Variants in HEATR3 observed in about 807,000 individuals in gnomAD.
The protein encoded by HEATR3 is HEAT repeat containing 3, also known as HEAT repeat-containing protein 3.
Under a neutral mutation model 72.8 loss-of-function variants are expected in HEATR3, and 56 were observed. The ratio of observed to expected loss-of-function variants is 0.77; its 90% confidence interval spans 0.62 to 0.96. HEATR3 has a LOEUF of 0.96. HEATR3 is among the 40% of genes least tolerant of loss of function. The pLI is 0.00. For missense variants in HEATR3, 747 were observed against 831.4 expected, an observed-to-expected ratio of 0.90 and a Z score of 1.25; for synonymous variants, 331 against 318.1, an observed-to-expected ratio of 1.04 and a Z score of -0.43.
chr16:50,079,639 T>G (rs566840565), intron 7 of HEATR3, among the ~76,000 whole-genome samples: 3 of 152,202 alleles, frequency 2.0e-5, no homozygotes, highest in East Asian at 3.9e-4. Context: ...TCTCCCAAAG[T>G]GTTTTGGGAG....
intron 10 of HEATR3, among the ~76,000 whole-genome samples, chr16:50,085,934 A>G (rs1473348193): frequency 6.6e-6 from 1 of 151,976 alleles, no homozygotes; most frequent in Non-Finnish European, 1.5e-5. Context: ...AGGCTGAGGC[A>G]GGAGGATCAC....
chr16:50,075,474 G>C (rs2036704287), intron 5 of HEATR3, 97 bp from the exon 6 acceptor site: 1 of 1,136,694 alleles, frequency 8.8e-7, no homozygotes, highest in Non-Finnish European at 1.3e-6. Flanking sequence ...GTCTAATGAA[G>C]TGGTAATGAT....
chr16:50,097,689 C>CG (rs1435806479), intron 12 of HEATR3, among the ~76,000 whole-genome samples: 3 of 151,930 alleles, frequency 2.0e-5, no homozygotes, highest in Non-Finnish European at 4.4e-5. Context: ...CTGAGGTGGG[C>CG]GGATCACTTG....
At chr16:50,088,633 G>A (rs972607970) in intron 11 of HEATR3, among the ~76,000 whole-genome samples, 8 of 152,190 alleles carry the variant, frequency 5.3e-5, no homozygotes, top group South Asian at 2.1e-4. Flanking sequence ...GATGGTAAAC[G>A]GGGAGGGGAC....
Position 50,075,692 on chromosome 16 carries a change from A to G in HEATR3, c.744A>G (p.Leu248=), listed in dbSNP as rs766639087. Residue 248 remains leucine, a synonymous_variant, in exon 6 of 15, where the codon CTA becomes CTG. Coordinates refer to ENST00000299192, the MANE Select transcript of HEATR3 (RefSeq NM_182922.4). ...LSPVSSMESL[L]LKTLVAGTIW... is the part of the protein sequence containing the mutation. The stretch of plus-strand genomic sequence containing the variant: ...CTGTCAGTTCCATGGAATCTCTTCT[A>G]TTGAAGACATTGGTAGCAGGTAAAA... 5.0e-6 allele frequency: 8 copies of G among 1,613,072 alleles called. No individual in the cohort carries two copies. Among genetic ancestry groups the G allele is most frequent in the South Asian group, 2.2e-5 (2 of 91,070 alleles).
At chr16:50,087,043 A>G (rs1037866240) in intron 11 of HEATR3, among the ~76,000 whole-genome samples, 3 of 152,232 alleles carry the variant, frequency 2.0e-5, no homozygotes, top group East Asian at 3.8e-4. Context: ...ATTAGAGGAC[A>G]GAAACTGGAA....
At position 50,083,967 on chromosome 16, in the gene HEATR3, G is replaced by A. The variant is rs747571756; in HGVS notation, c.1072G>A (p.Ala358Thr). The change falls in exon 8 of 15, where the codon GCA becomes ACA. Residue 358 changes from alanine (A) to threonine (T), a missense_variant. By Grantham distance (58) the Ala-to-Thr change is moderately conservative. This residue lies in a region of HEATR3 where 586 missense variants were observed against 708.8 expected (regional missense o/e 0.83). Transcript: ENST00000299192. Reference protein sequence around the residue: ...PTDKELRETIALLTAQQTALE... With the variant: ...PTDKELRETITLLTAQQTALE... ...TGACAAGGAACTGAGAGAGACTATA[G>A]CATTGCTGACAGCCCAACAGACTGC... is the stretch of plus-strand genomic sequence containing the variant. The A allele has an allele frequency of 1.9e-6, 3 of 1,611,480 alleles. No individual in the cohort carries two copies. Among genetic ancestry groups the A allele is most frequent in the Admixed American group, 3.3e-5 (2 of 59,830 alleles).
rs1023542877 is a variant in HEATR3, at chr16:50,075,580, T to C, written c.632T>C (p.Leu211Ser). Residue 211 changes from leucine to serine, a missense_variant, in exon 6 of 15, where the codon TTG (leucine) becomes TCG (serine). By Grantham distance (145) the Leu-to-Ser change is moderately radical. Transcript: ENST00000299192. ...ATTTTTTGCCTCGTAGCATATTGTT[T>C]GCAGACAGTGACTGAGGATAACCCA... ...VDLAISVAYCLQTVTEDNPEL... is the reference protein window; with the variant it reads ...VDLAISVAYCSQTVTEDNPEL... 4 of 1,612,654 alleles carry C rather than the reference T, an allele frequency of 2.5e-6. No homozygotes were observed. The highest frequency in any genetic ancestry group is 3.4e-6 in the Non-Finnish European group (4 of 1,178,850).
chr16:50,094,735 C>G lies in HEATR3; in HGVS notation c.1541C>G (p.Ala514Gly). ...DFAKHVDFLEAISSALRALLQ... is the reference protein window; with the variant it reads ...DFAKHVDFLEGISSALRALLQ... ...GCTAAACATGTTGACTTTCTAGAAG[C>G]CATAAGTAGTGCTTTGAGGGCCCTT... Residue 514 changes from alanine to glycine, a missense_variant, in exon 12 of 15, where the codon GCC becomes GGC. Physicochemically the swap from Ala to Gly is moderately conservative, Grantham distance 60. Around this residue, in one of 2 missense-constraint regions of HEATR3, gnomAD observed 586 missense variants for 708.8 expected, o/e 0.83. Coordinates refer to ENST00000299192, the MANE Select transcript of HEATR3 (RefSeq NM_182922.4). 6.3e-7 allele frequency: 1 copy of G among 1,587,900 alleles called. No individual in the cohort carries two copies. The highest frequency in any genetic ancestry group is 8.6e-7 in the Non-Finnish European group (1 of 1,169,206).
At chr16:50,070,350 T>C (rs2036584639) in intron 4 of HEATR3, 60 bp downstream of exon 4, 1 of 814,628 alleles carries the variant, frequency 1.2e-6, no homozygotes, top group East Asian at 2.7e-5. Context: ...CTATTCTCTG[T>C]TATACTGTGT....
intron 11 of HEATR3, among the ~76,000 whole-genome samples, chr16:50,088,020 G>C (rs367821298): frequency 1.3e-5 from 2 of 152,042 alleles, no homozygotes; most frequent in East Asian, 3.9e-4. Context: ...CCAGCTACTC[G>C]GGAGGCTGAG....
At chr16:50,066,583 C>T (rs2036502229) in intron 2 of HEATR3, 44 bp downstream of exon 2, 2 of 1,265,056 alleles carry the variant, frequency 1.6e-6, no homozygotes, top group South Asian at 3.0e-5. Context: ...GCTGGCCTCC[C>T]CCGCGTCTGG....
chr16:50,106,639 G>T lies in HEATR3; in HGVS notation c.*1578G>T, dbSNP rs1323435923. ...GCTGGGCCTCTGAACCGGCTTCATT[G>T]TCCATCCGTTTGCCTGATGAGAAGG... On this transcript the variant is annotated 3_prime_UTR_variant, in exon 15 of 15. Coordinates refer to ENST00000299192, the MANE Select transcript of HEATR3 (RefSeq NM_182922.4). 6.6e-6 allele frequency: 1 copy of T among 152,108 alleles called. No homozygotes were observed. The highest frequency in any genetic ancestry group is 1.5e-5 in the Non-Finnish European group (1 of 68,020). 9.4% of individuals were successfully genotyped at this position (152,108 alleles called of 1,614,324 possible). A position where few individuals can be genotyped will look rare whatever the true frequency, so the allele number is the denominator to read the frequency against.
Position 50,078,914 on chromosome 16 carries a change from T to C in HEATR3, c.937T>C (p.Leu313=), listed in dbSNP as rs1242991771. 1 of 1,614,058 alleles carries C rather than the reference T, an allele frequency of 6.2e-7. No homozygotes were observed. Among genetic ancestry groups the C allele is most frequent in the Admixed American group, 1.7e-5 (1 of 60,010 alleles). The part of the protein sequence containing the change: ...LKTAAEAEEI[L]ENTNGDDLIE... ...AACTGCTGCAGAGGCTGAGGAAATA[T>C]TAGAGAACACTAATGGGGATGATTT... The change falls in exon 7 of 15, where the codon TTA becomes CTA. Residue 313 remains leucine, a synonymous_variant. Transcript: ENST00000299192.
chr16:50,081,807 G>A (rs948580229), intron 7 of HEATR3, among the ~76,000 whole-genome samples: 9 of 152,180 alleles, frequency 5.9e-5, no homozygotes, highest in Non-Finnish European at 2.9e-5. Context: ...ACATGCAAAA[G>A]TAGAGTACTC....
chr16:50,104,196 A>T (rs545407203), intron 14 of HEATR3, among the ~76,000 whole-genome samples: 44 of 152,104 alleles, frequency 2.9e-4, no homozygotes, highest in African/African-American at 9.4e-4. Flanking sequence ...CTAAAAATTT[A>T]AAAAAATTAC....
chr16:50,085,107 TA>T (rs964057252), intron 10 of HEATR3, among the ~76,000 whole-genome samples: 65 of 145,012 alleles, frequency 4.5e-4, no homozygotes, highest in East Asian at 7.9e-4. Flanking sequence ...ATAAACCTAT[TA>T]AAAAAAAAAA....
chr16:50,087,341 T>C (rs545060520), intron 11 of HEATR3, among the ~76,000 whole-genome samples: 1 of 152,272 alleles, frequency 6.6e-6, no homozygotes, highest in African/African-American at 2.4e-5. Context: ...CAAAGATCTA[T>C]AGCGATACAA....
At chr16:50,081,692 C>T (rs1463302919) in intron 7 of HEATR3, among the ~76,000 whole-genome samples, 1 of 152,142 alleles carries the variant, frequency 6.6e-6, no homozygotes, top group Non-Finnish European at 1.5e-5. Flanking sequence ...GTGTCTTCTG[C>T]AGCACTCCTT....
Sources: allele counts gnomAD v4.1 joint callset (sites outside exome capture counted in the v4.1 genomes callset), GRCh38; gene constraint gnomAD v4.1.1; regional missense constraint gnomAD v4.1.1; transcripts MANE v1.5; gene names NCBI Gene and HGNC (gene_info 2026-07-23, HGNC 2026-07-21).